The following CSNK2A2 variants were observed in gnomAD, a reference collection of about 807,000 sequenced individuals.
CSNK2A2 encodes the protein casein kinase 2 alpha 2.
CSNK2A2 carries 8 observed loss-of-function variants against 54.0 expected under a neutral mutation model. The ratio of observed to expected loss-of-function variants is 0.15; its 90% CI spans 0.09 to 0.27. The LOEUF is 0.27. Ranked by LOEUF, CSNK2A2 falls within the 10% of genes least tolerant of loss-of-function variation. The pLI is 1.00. For missense variants in CSNK2A2, 242 were observed against 439.4 expected, an observed-to-expected ratio of 0.55 and a Z score of 4.02; for synonymous variants, 141 against 153.9, an observed-to-expected ratio of 0.92 and a Z score of 0.62.
chr16:58,165,819 G>T, intron 9 of CSNK2A2, 111 bp from the exon 10 acceptor site: 1 of 1,171,982 alleles, frequency 8.5e-7, no homozygotes, highest in Non-Finnish European at 1.2e-6. Flanking sequence ...TTACAAGCTT[G>T]TTAAATCTCT....
chr16:58,179,091 T>C (rs746857204), intron 4 of CSNK2A2, among the ~76,000 whole-genome samples: 2 of 152,190 alleles, frequency 1.3e-5, no homozygotes, highest in African/African-American at 2.4e-5. Context: ...ACTAAAAGTA[T>C]TGTGGTTTGC....
chr16:58,174,851 C>T (rs1961834873), intron 4 of CSNK2A2, among the ~76,000 whole-genome samples: 1 of 151,138 alleles, frequency 6.6e-6, no homozygotes, highest in Non-Finnish European at 1.5e-5. Flanking sequence ...CACATTCTTA[C>T]CGAACATCAA....
chr16:58,197,732 G>C lies in CSNK2A2; in HGVS notation c.5C>G (p.Pro2Arg). The stretch of plus-strand genomic sequence containing the variant: ...GGCCCTGCTGCCCGCGGCCGGGCCG[G>C]GCATGGCGGGCGGGACCGGGGGGCG... The part of the protein sequence containing the change: M[P>R]GPAAGSRARV... The change falls in exon 1 of 12, where the codon CCC becomes CGC. Residue 2 changes from proline to arginine, a missense_variant. Pro to Arg is a moderately radical substitution (Grantham distance 103, BLOSUM62 -2). This residue lies in a region of CSNK2A2 where 48 missense variants were observed against 55.4 expected (regional missense o/e 0.87). Transcript: ENST00000262506. This position sits in a 1 kb window ranked among gnomAD's most constrained non-coding sequence, Gnocchi z 4.0. 7.0e-7 allele frequency: 1 copy of C among 1,418,444 alleles called. No homozygotes were observed. The highest frequency in any genetic ancestry group is 9.3e-7 in the Non-Finnish European group (1 of 1,076,380). 87.9% of individuals were successfully genotyped at this position (1,418,444 alleles called of 1,614,324 possible). A position where few individuals can be genotyped will look rare whatever the true frequency, so the allele number is the denominator to read the frequency against.
intron 4 of CSNK2A2, among the ~76,000 whole-genome samples, chr16:58,176,280 C>CCTCA (rs1330197161): frequency 2.6e-5 from 4 of 152,128 alleles, no homozygotes; most frequent in African/African-American, 9.7e-5. Flanking sequence ...GGAAGGCCTC[C>CCTCA]CTCATCATGT....
chr16:58,196,962 A>ATT, intron 1 of CSNK2A2, 118 bp from the exon 2 acceptor site: 2 of 747,060 alleles, frequency 2.7e-6, no homozygotes, highest in South Asian at 2.9e-5. Flanking sequence ...TCTATACATC[A>ATT]CGTCACAACT....
At chr16:58,194,769 C>G (rs1021895432) in intron 2 of CSNK2A2, among the ~76,000 whole-genome samples, 1 of 152,208 alleles carries the variant, frequency 6.6e-6, no homozygotes, top group Non-Finnish European at 1.5e-5. Flanking sequence ...TAACCTGCAG[C>G]AGCTTACATA....
At chr16:58,178,393 T>C (rs1039887490) in intron 4 of CSNK2A2, among the ~76,000 whole-genome samples, 1 of 152,088 alleles carries the variant, frequency 6.6e-6, no homozygotes, top group Non-Finnish European at 1.5e-5. Context: ...CACGTGATTC[T>C]CCTACCTCTG....
intron 11 of CSNK2A2, chr16:58,160,105 T>C (rs1047519009): frequency 1.3e-5 from 2 of 152,232 alleles, no homozygotes; most frequent in Admixed American, 1.3e-4. Flanking sequence ...TTATTAACGG[T>C]TGATCTGGCC....
At chr16:58,195,486 T>C (rs1043068077) in intron 2 of CSNK2A2, among the ~76,000 whole-genome samples, 8 of 150,510 alleles carry the variant, frequency 5.3e-5, no homozygotes, top group Non-Finnish European at 1.5e-5. Flanking sequence ...AGCTTTTCTA[T>C]ACCACAGCTT....
chr16:58,174,195 T>C (rs1156826468), intron 5 of CSNK2A2: 1 of 329,196 alleles, frequency 3.0e-6, no homozygotes, highest in Non-Finnish European at 5.5e-6. Context: ...AGAAAACATA[T>C]GGACCAACAA....
rs1371667296 is a variant in CSNK2A2, at chr16:58,197,835, G to C, written c.-99C>G. 4.9e-6 allele frequency: 1 copy of C among 204,090 alleles called. No individual in the cohort carries two copies. The highest frequency in any genetic ancestry group is 6.8e-5 in the Admixed American group (1 of 14,618). 12.6% of individuals were successfully genotyped at this position (204,090 alleles called of 1,614,324 possible). On this transcript the variant is annotated 5_prime_UTR_variant, in exon 1 of 12. Coordinates refer to ENST00000262506, the MANE Select transcript of CSNK2A2 (RefSeq NM_001896.4). This position sits in a 1 kb window ranked among gnomAD's most constrained non-coding sequence, Gnocchi z 4.0. ...GGGCGGAGGAGGCAGCGGGCCGCCG[G>C]GCGCTGGAGGAGGAGGAGGAGGAGC... is the stretch of plus-strand genomic sequence containing the variant.
At chr16:58,182,693 A>C (rs1962088433) in intron 4 of CSNK2A2, among the ~76,000 whole-genome samples, 1 of 152,206 alleles carries the variant, frequency 6.6e-6, no homozygotes, top group African/African-American at 2.4e-5. Context: ...CCATTCAGAT[A>C]AGGTTTCAAC....
chr16:58,192,925 G>A (rs1288995217), intron 2 of CSNK2A2: 1 of 152,222 alleles, frequency 6.6e-6, no homozygotes, highest in Non-Finnish European at 1.5e-5. Flanking sequence ...AGGTTTCTAA[G>A]TGCCCGCATT....
At chr16:58,164,789 A>G (rs1961515655) in intron 10 of CSNK2A2, among the ~76,000 whole-genome samples, 1 of 152,218 alleles carries the variant, frequency 6.6e-6, no homozygotes, top group Admixed American at 6.5e-5. Flanking sequence ...CCACAGGCTC[A>G]AGACTACAGC....
chr16:58,170,660 T>C (rs924127426), intron 5 of CSNK2A2, among the ~76,000 whole-genome samples: 2 of 152,146 alleles, frequency 1.3e-5, no homozygotes, highest in African/African-American at 4.8e-5. Flanking sequence ...AACTTTTTGA[T>C]TATAGCTTTG....
intron 9 of CSNK2A2, among the ~76,000 whole-genome samples, chr16:58,166,034 AG>A (rs1961552514): frequency 6.6e-6 from 1 of 152,252 alleles, no homozygotes; most frequent in Non-Finnish European, 1.5e-5. Context: ...ATTGGTCAGC[AG>A]ATATATTTCC....
Position 58,187,188 on chromosome 16 carries a change from C to G in CSNK2A2, c.217-332G>C, listed in dbSNP as rs997972962. The stretch of plus-strand genomic sequence containing the variant: ...GATAACTGCCAAGTGGAAAATATAG[C>G]TCTGAACAGCTGTATATCATGCACT... On this transcript the variant is annotated intron_variant, in intron 2 of 11. Coordinates refer to ENST00000262506, the MANE Select transcript of CSNK2A2 (RefSeq NM_001896.4). 4.0e-5 allele frequency among the ~76,000 whole-genome samples: 6 copies of G among 150,708 alleles called. 1 individual carries two copies. Among genetic ancestry groups the G allele is most frequent in the African/African-American group, 1.5e-4 (6 of 40,870 alleles).
chr16:58,167,867 T>C, intron 6 of CSNK2A2, 72 bp from the exon 7 acceptor site: 1 of 1,097,842 alleles, frequency 9.1e-7, no homozygotes, highest in Admixed American at 1.8e-5. Context: ...CAAGGCCACA[T>C]CACATTAGGT....
chr16:58,194,720 G>C (rs1597127355), intron 2 of CSNK2A2, among the ~76,000 whole-genome samples: 2 of 152,314 alleles, frequency 1.3e-5, no homozygotes, highest in East Asian at 3.9e-4. Context: ...AATGACATTA[G>C]GTAAGTTTCT....
Sources: allele counts gnomAD v4.1 joint callset (sites outside exome capture counted in the v4.1 genomes callset), GRCh38; gene constraint gnomAD v4.1.1; regional missense constraint gnomAD v4.1.1; non-coding constraint Gnocchi (gnomAD v3.1); transcripts MANE v1.5; gene names NCBI Gene and HGNC (gene_info 2026-07-23, HGNC 2026-07-21).